Variants in TENT4B observed in about 807,000 individuals in gnomAD.
TENT4B encodes terminal nucleotidyltransferase 4B, also known as PAP associated domain containing 5.
In TENT4B, 10 loss-of-function variants were observed where a neutral mutation model predicts 75.0. The ratio of observed to expected loss-of-function variants is 0.13; its 90% CI spans 0.08 to 0.23. The LOEUF is 0.23. Ranked by LOEUF, TENT4B falls within the 10% of genes least tolerant of loss-of-function variation. The pLI is 1.00. For synonymous variants in TENT4B, 350 were observed against 357.7 expected, an observed-to-expected ratio of 0.98 and a Z score of 0.24; for missense variants, 579 against 893.8, an observed-to-expected ratio of 0.65 and a Z score of 4.49.
At chr16:50,158,206 C>T (rs2037938186) in intron 1 of TENT4B, among the ~76,000 whole-genome samples, 1 of 152,234 alleles carries the variant, frequency 6.6e-6, no homozygotes, top group Non-Finnish European at 1.5e-5. Flanking sequence ...CCTGCCTCAG[C>T]CTCCCGAGTA....
At chr16:50,165,166 A>G (rs900833461) in intron 1 of TENT4B, among the ~76,000 whole-genome samples, 3 of 151,780 alleles carry the variant, frequency 2.0e-5, no homozygotes, top group Admixed American at 6.6e-5. Flanking sequence ...TTCATAGTAC[A>G]TATGTATGTG....
chr16:50,225,056 T>C (rs2031987634), intron 9 of TENT4B, 42 bp from the exon 10 acceptor site: 2 of 1,608,214 alleles, frequency 1.2e-6, no homozygotes, highest in Non-Finnish European at 1.7e-6. Context: ...TGTGTGCGTT[T>C]AATGGGAAGA....
At chr16:50,226,280 C>T (rs1596756869) in intron 10 of TENT4B, among the ~76,000 whole-genome samples, 1 of 152,114 alleles carries the variant, frequency 6.6e-6, no homozygotes, top group African/African-American at 2.4e-5. Flanking sequence ...GGATTACAGG[C>T]GTGAGCCCAG....
At chr16:50,205,807 T>C (rs2150728075) in intron 1 of TENT4B, among the ~76,000 whole-genome samples, 1 of 152,032 alleles carries the variant, frequency 6.6e-6, no homozygotes, top group Middle Eastern at 3.4e-3. Context: ...GCCAGGCTGG[T>C]CTGAAACTCC....
intron 1 of TENT4B, among the ~76,000 whole-genome samples, chr16:50,174,412 AAG>A (rs1342621861): frequency 1.3e-5 from 2 of 152,084 alleles, no homozygotes; most frequent in Admixed American, 6.6e-5. Flanking sequence ...GTTAAGTTTT[AAG>A]AGTTCTTTGT....
At chr16:50,215,954 C>A in intron 3 of TENT4B, 121 bp from the exon 4 acceptor site, 1 of 1,209,468 alleles carries the variant, frequency 8.3e-7, no homozygotes, top group Non-Finnish European at 1.2e-6. Flanking sequence ...CACATTTAGT[C>A]TTCGTTGGCC....
In TENT4B at chr16:50,228,853, T is replaced by G. The variant is rs557988486; in HGVS notation, c.1966-299T>G. Among the ~76,000 whole-genome samples, 49 of 152,226 alleles carry G rather than the reference T, an allele frequency of 3.2e-4. No individual in the cohort carries two copies. The highest frequency in any genetic ancestry group is 5.9e-4 in the Non-Finnish European group (40 of 68,044). ...GAGCCTCTTCCCGCTCTGTCACTTA[T>G]GATGTGGTGTTTGGGTTGGTAAGTT... On this transcript the variant is annotated intron_variant, in intron 11 of 11. Coordinates refer to ENST00000561678, the MANE Select transcript of TENT4B (RefSeq NM_001365324.3).
At chr16:50,156,639 C>T (rs2037906534) in intron 1 of TENT4B, among the ~76,000 whole-genome samples, 1 of 151,900 alleles carries the variant, frequency 6.6e-6, no homozygotes, top group African/African-American at 2.4e-5. Context: ...CCACCGTGCC[C>T]GGCCTCATTA....
chr16:50,195,087 C>T (rs2030135745), intron 1 of TENT4B, among the ~76,000 whole-genome samples: 1 of 152,016 alleles, frequency 6.6e-6, no homozygotes, highest in African/African-American at 2.4e-5. Context: ...ACTGCCCAGG[C>T]TTGTTTAATT....
In TENT4B at chr16:50,197,687, T is replaced by G. The variant is rs148012940; in HGVS notation, c.639-13636T>G. Among the ~76,000 whole-genome samples the G allele has an allele frequency of 5.3e-5, 8 of 152,298 alleles. No individual in the cohort carries two copies. In the East Asian group the frequency reaches 1.5e-3, roughly 29 times the overall value. On this transcript the variant is annotated intron_variant, in intron 1 of 11. Transcript: ENST00000561678. Reference sequence around the variant, plus strand: ...CACAGCCATGTCGTGGAAAAAGATTTATGAATGGAAAGAGGAAAGTGATGT... The same window carrying G: ...CACAGCCATGTCGTGGAAAAAGATTGATGAATGGAAAGAGGAAAGTGATGT...
At chr16:50,202,168 C>T (rs1380995640) in intron 1 of TENT4B, among the ~76,000 whole-genome samples, 1 of 152,080 alleles carries the variant, frequency 6.6e-6, no homozygotes, top group East Asian at 1.9e-4. Context: ...AAATAATCAC[C>T]ACTAGTATGT....
intron 3 of TENT4B, among the ~76,000 whole-genome samples, chr16:50,215,864 T>C (rs2031527732): frequency 6.6e-6 from 1 of 152,158 alleles, no homozygotes; most frequent in Non-Finnish European, 1.5e-5. Flanking sequence ...GAGGCCTGAA[T>C]TCTGTGAAAT....
At chr16:50,162,532 T>G (rs1015459901) in intron 1 of TENT4B, among the ~76,000 whole-genome samples, 6 of 152,208 alleles carry the variant, frequency 3.9e-5, no homozygotes, top group Non-Finnish European at 8.8e-5. Flanking sequence ...CTGTTTTGCC[T>G]TATATTAATC....
intron 1 of TENT4B, among the ~76,000 whole-genome samples, chr16:50,167,386 T>C (rs541526781): frequency 1.6e-5 from 2 of 122,212 alleles, no homozygotes; most frequent in East Asian, 4.0e-4. Flanking sequence ...ATGCTGTGGG[T>C]TTTTTTTTTT....
intron 1 of TENT4B, among the ~76,000 whole-genome samples, chr16:50,189,664 C>G (rs1218851342): frequency 6.6e-6 from 1 of 152,060 alleles, no homozygotes; most frequent in African/African-American, 2.4e-5. Flanking sequence ...TGCCCTAATG[C>G]AATTCCAGGA....
intron 1 of TENT4B, among the ~76,000 whole-genome samples, chr16:50,159,698 T>A (rs576565485): frequency 6.6e-6 from 1 of 152,208 alleles, no homozygotes; most frequent in African/African-American, 2.4e-5. Context: ...TTTGCAGATA[T>A]AGCCCACAGT....
chr16:50,216,073 A>G lies in TENT4B; in HGVS notation c.810-2A>G. On this transcript the variant is annotated splice_acceptor_variant, in intron 3 of 11. Transcript: ENST00000561678. LOFTEE classifies it high-confidence loss of function. ...CCTCTTGTATATGTATTCTGTGTTCAGTGACATCGACCTAGTGGTGTTTGG... is the reference window on the plus strand; with the variant it reads ...CCTCTTGTATATGTATTCTGTGTTCGGTGACATCGACCTAGTGGTGTTTGG... The G allele has an allele frequency of 6.2e-7, 1 of 1,613,954 alleles. No homozygotes were observed. The highest frequency in any genetic ancestry group is 8.5e-7 in the Non-Finnish European group (1 of 1,179,854).
rs143872285 is a variant in TENT4B at position 50,210,426 on chromosome 16, G to T, written c.639-897G>T. 3.3e-5 allele frequency among the ~76,000 whole-genome samples: 5 copies of T among 152,164 alleles called. No homozygotes were observed. The East Asian group carries it at 7.7e-4, about 23-fold the overall frequency. On this transcript the variant is annotated intron_variant, in intron 1 of 11. Transcript: ENST00000561678. The stretch of plus-strand genomic sequence containing the variant: ...TGATAGTCAGGCGCTGCGCCTATCC[G>T]CAGGGTGTGGGTATGTGTGTGTCTT...
intron 1 of TENT4B, among the ~76,000 whole-genome samples, chr16:50,201,040 A>G (rs112588078): frequency 2.9e-4 from 44 of 152,046 alleles, no homozygotes; most frequent in Non-Finnish European, 5.3e-4. Flanking sequence ...GCCTCAGGCA[A>G]TCTTCCAGCC....
Sources: gnomAD v4.1 joint callset for allele counts (sites outside exome capture counted in the v4.1 genomes callset) on GRCh38, gnomAD v4.1.1 for gene constraint, MANE v1.5 for transcripts, NCBI Gene and HGNC (gene_info 2026-07-23, HGNC 2026-07-21) for gene names.